The following LGR6 variants were observed in gnomAD, a reference collection of about 807,000 sequenced individuals.
LGR6 encodes the protein leucine rich repeat containing G protein-coupled receptor 6.
Under a neutral mutation model 69.4 loss-of-function variants are expected in LGR6, and 45 were observed. That is an observed-to-expected ratio of 0.65 (90% confidence interval 0.51 to 0.83). The LOEUF (loss-of-function observed/expected upper bound fraction) is 0.83, where lower values mean the gene tolerates loss of function less well. LGR6 is among the 40% of genes least tolerant of loss of function. The pLI, the probability that LGR6 is intolerant of heterozygous loss-of-function variation, is 0.00. For missense variants in LGR6, 1,108 were observed against 1,246.7 expected, an observed-to-expected ratio of 0.89 and a Z score of 1.68; for synonymous variants, 538 against 555.0, an observed-to-expected ratio of 0.97 and a Z score of 0.43.
At chr1:202,298,947 G>A (rs2148251751) in intron 7 of LGR6, among the ~76,000 whole-genome samples, 1 of 151,928 alleles carries the variant, frequency 6.6e-6, no homozygotes, top group South Asian at 2.1e-4. Context: ...AGCACATAGG[G>A]GACAACTGGA....
At chr1:202,247,254 C>T (rs1662786512) in intron 4 of LGR6, among the ~76,000 whole-genome samples, 1 of 151,084 alleles carries the variant, frequency 6.6e-6, no homozygotes, top group Admixed American at 6.6e-5. Context: ...ATCGGCGTCA[C>T]TTGGGAGTAT....
At chr1:202,275,470 C>T (rs1665471333) in intron 4 of LGR6, among the ~76,000 whole-genome samples, 1 of 152,144 alleles carries the variant, frequency 6.6e-6, no homozygotes, top group African/African-American at 2.4e-5. Flanking sequence ...CTAGGGCTCC[C>T]ATAAGTAATC....
At position 202,267,743 on chromosome 1, in the gene LGR6, C is replaced by T. The variant is rs192710916; in HGVS notation, c.429-8563C>T. On this transcript the variant is annotated intron_variant, in intron 4 of 17. Coordinates refer to ENST00000367278, the MANE Select transcript of LGR6 (RefSeq NM_001017403.2). ...AAGGTTTTTATATTGTTTTATCAAA[C>T]AGCAAAGTATATAGTCTAAGAGCTT... Among the ~76,000 whole-genome samples the T allele has an allele frequency of 3.3e-3, 509 of 152,288 alleles. 5 individuals carry two copies. The highest frequency in any genetic ancestry group is 0.012 in the African/African-American group (492 of 41,558).
intron 4 of LGR6, among the ~76,000 whole-genome samples, chr1:202,273,465 T>G (rs1558053592): frequency 6.6e-6 from 1 of 151,804 alleles, no homozygotes; most frequent in Non-Finnish European, 1.5e-5. Flanking sequence ...TTTTTTGTTT[T>G]TTTTTTTTTG....
intron 4 of LGR6, among the ~76,000 whole-genome samples, chr1:202,244,976 G>T (rs1457545772): frequency 6.6e-6 from 1 of 152,206 alleles, no homozygotes; most frequent in Non-Finnish European, 1.5e-5. Context: ...AAGGCCAGAG[G>T]TCTGGGGTGC....
chr1:202,307,692 C>T (rs535205535), intron 14 of LGR6, among the ~76,000 whole-genome samples: 1 of 152,284 alleles, frequency 6.6e-6, no homozygotes, highest in East Asian at 1.9e-4. Flanking sequence ...CCTCTCTATC[C>T]ACCAACAAAG....
chr1:202,211,026 G>T (rs137982506), intron 1 of LGR6, among the ~76,000 whole-genome samples: 2,117 of 152,360 alleles, frequency 0.014, 22 homozygotes, highest in Non-Finnish European at 0.02. Context: ...AAGGTGGGTA[G>T]GATGGGGCAG....
intron 4 of LGR6, among the ~76,000 whole-genome samples, chr1:202,269,051 C>T (rs1432610712): frequency 6.6e-6 from 1 of 152,030 alleles, no homozygotes; most frequent in Non-Finnish European, 1.5e-5. Context: ...ACTACTGGAG[C>T]GTGCCACCAT....
intron 14 of LGR6, among the ~76,000 whole-genome samples, chr1:202,307,717 C>T (rs1653358359): frequency 6.6e-6 from 1 of 152,208 alleles, no homozygotes; most frequent in Admixed American, 6.5e-5. Context: ...TATATTGGGC[C>T]TGGAATCCCT....
intron 4 of LGR6, among the ~76,000 whole-genome samples, chr1:202,262,252 A>G (rs945070340): frequency 1.8e-4 from 27 of 151,726 alleles, no homozygotes; most frequent in Non-Finnish European, 2.6e-4. Flanking sequence ...ATCTTGAATT[A>G]ATTTTTGTAT....
chr1:202,218,423 C>T (rs1004187086), intron 1 of LGR6, among the ~76,000 whole-genome samples: 13 of 152,152 alleles, frequency 8.5e-5, no homozygotes, highest in African/African-American at 2.9e-4. Context: ...CTCAGCCTTC[C>T]AAGTAGCTGG....
chr1:202,308,926 C>T (rs749249), intron 14 of LGR6, 125 bp from the exon 15 acceptor site: 34,204 of 1,176,322 alleles, frequency 0.029, 661 homozygotes, highest in Non-Finnish European at 0.034. Flanking sequence ...TTCTAAGCTT[C>T]TCTCCTGTCC....
At chr1:202,224,389 T>C (rs1660363936) in intron 1 of LGR6, among the ~76,000 whole-genome samples, 1 of 152,104 alleles carries the variant, frequency 6.6e-6, no homozygotes, top group Admixed American at 6.5e-5. Context: ...AGGCTGTGGA[T>C]CCGCAGAGGG....
At chr1:202,314,000 T>A (rs543841625) in intron 16 of LGR6, among the ~76,000 whole-genome samples, 19 of 152,338 alleles carry the variant, frequency 1.2e-4, no homozygotes, top group Admixed American at 3.3e-4. Flanking sequence ...ATTTGCCCAG[T>A]GCCAGAATTG....
At chr1:202,312,121 C>T (rs1434477323) in intron 16 of LGR6, among the ~76,000 whole-genome samples, 1 of 152,246 alleles carries the variant, frequency 6.6e-6, no homozygotes, top group East Asian at 1.9e-4. Flanking sequence ...AGATCGTGGG[C>T]TGCCTGCCGC....
At chr1:202,313,040 A>G (rs1473829189) in intron 16 of LGR6, among the ~76,000 whole-genome samples, 2 of 148,784 alleles carry the variant, frequency 1.3e-5, no homozygotes, top group Non-Finnish European at 3.0e-5. Context: ...CATCCTGGCT[A>G]ACACCATGAA....
chr1:202,260,771 CTAATA>C (rs1436333291), intron 4 of LGR6, among the ~76,000 whole-genome samples: 1 of 152,004 alleles, frequency 6.6e-6, no homozygotes, highest in East Asian at 1.9e-4. Flanking sequence ...GGCCAACTAA[CTAATA>C]TATTTTTTTG....
chr1:202,267,174 A>G (rs1422185939), intron 4 of LGR6, among the ~76,000 whole-genome samples: 1 of 152,224 alleles, frequency 6.6e-6, no homozygotes, highest in Non-Finnish European at 1.5e-5. Flanking sequence ...AGAAAGCTCT[A>G]TTGAACAGTG....
At chr1:202,206,739 A>G (rs185539039) in intron 1 of LGR6, among the ~76,000 whole-genome samples, 7 of 152,130 alleles carry the variant, frequency 4.6e-5, no homozygotes, top group Admixed American at 6.5e-5. Context: ...TTTAAAATTA[A>G]AAAACTTAAA....
Sources: gnomAD v4.1 joint callset for allele counts (sites outside exome capture counted in the v4.1 genomes callset) on GRCh38, gnomAD v4.1.1 for gene constraint, MANE v1.5 for transcripts, NCBI Gene and HGNC (gene_info 2026-07-23, HGNC 2026-07-21) for gene names.